ZNF736: variants seen among roughly 807,000 people sequenced by gnomAD.
The protein encoded by ZNF736 is zinc finger protein 736, also known as KRAB-containing zinc-finger repressor protein.
ZNF736 carries 6 observed loss-of-function variants against 11.7 expected under a neutral mutation model. The ratio of observed to expected loss-of-function variants is 0.51; its 90% CI spans 0.28 to 1.01. The LOEUF is 1.01. Ranked by LOEUF, ZNF736 falls within the 50% of genes least tolerant of loss-of-function variation. The pLI is 0.09. For synonymous variants in ZNF736, 139 were observed against 164.7 expected, an observed-to-expected ratio of 0.84 and a Z score of 1.19; for missense variants, 444 against 496.0, an observed-to-expected ratio of 0.90 and a Z score of 1.00.
In ZNF736 at chr7:64,354,856, G is replaced by T. The variant is rs144684937; in HGVS notation, c.*5709G>T. The T allele has an allele frequency of 1.7e-3, 262 of 152,246 alleles. 1 individual carries two copies. Among genetic ancestry groups the T allele is most frequent in the African/African-American group, 5.7e-3 (235 of 41,546 alleles). The allele number at this position is 152,246 out of a possible 1,614,324, so 9.4% of individuals were successfully genotyped here. On this transcript the variant is annotated 3_prime_UTR_variant, in exon 4 of 4. Coordinates refer to ENST00000423484, the MANE Select transcript of ZNF736 (RefSeq NM_001170905.3). ...TATTAAATTTATTGGGCCAATTTAA[G>T]TAAACAGTTGAACGTTTCATAAGTC...
intron 1 of ZNF736, among the ~76,000 whole-genome samples, chr7:64,318,417 T>C (rs1788946480): frequency 6.6e-6 from 1 of 151,974 alleles, no homozygotes. Flanking sequence ...TTATAAACTT[T>C]TGTCCCATTT....
Position 64,351,035 on chromosome 7 carries a change from G to C in ZNF736, c.*1888G>C, listed in dbSNP as rs1029075050. ...GGAGCAAAGCAGCTGGGAAGGGAGT[G>C]GGGGATACCTGCTGGAGGCTGTGTG... On this transcript the variant is annotated 3_prime_UTR_variant, in exon 4 of 4. Coordinates refer to ENST00000423484, the MANE Select transcript of ZNF736 (RefSeq NM_001170905.3). The C allele has an allele frequency of 6.5e-6, 1 of 152,814 alleles. No homozygotes were observed. The highest frequency in any genetic ancestry group is 1.5e-5 in the Non-Finnish European group (1 of 68,582). 9.5% of individuals were successfully genotyped at this position (152,814 alleles called of 1,614,324 possible).
At chr7:64,340,894 G>C (rs1286939327) in intron 3 of ZNF736, among the ~76,000 whole-genome samples, 2 of 152,010 alleles carry the variant, frequency 1.3e-5, no homozygotes, top group Non-Finnish European at 2.9e-5. Flanking sequence ...AGTTCTTAGT[G>C]AGTCCCTTTT....
intron 3 of ZNF736, among the ~76,000 whole-genome samples, chr7:64,344,266 C>T (rs928910937): frequency 2.0e-5 from 3 of 152,176 alleles, no homozygotes; most frequent in African/African-American, 7.2e-5. Context: ...GGCACCACTG[C>T]ACTCCAGCCT....
chr7:64,328,430 TC>T (rs199767651), intron 1 of ZNF736, among the ~76,000 whole-genome samples: 8,458 of 152,230 alleles, frequency 0.056, 375 homozygotes, highest in Admixed American at 0.14. Context: ...GCTTTTAGAA[TC>T]CTTTATCTTT....
At chr7:64,337,528 A>G (rs1789271427) in intron 3 of ZNF736, among the ~76,000 whole-genome samples, 1 of 152,166 alleles carries the variant, frequency 6.6e-6, no homozygotes, top group African/African-American at 2.4e-5. Context: ...CAGTAATTAT[A>G]TCAAAACACT....
intron 1 of ZNF736, among the ~76,000 whole-genome samples, chr7:64,318,297 G>T (rs1486694328): frequency 6.6e-6 from 1 of 151,872 alleles, no homozygotes; most frequent in Non-Finnish European, 1.5e-5. Context: ...GATGTTTAAT[G>T]AATAGCCATC....
chr7:64,323,192 A>AT (rs1332761575), intron 1 of ZNF736, among the ~76,000 whole-genome samples: 1 of 152,104 alleles, frequency 6.6e-6, no homozygotes, highest in Non-Finnish European at 1.5e-5. Context: ...GTTCTTTTTT[A>AT]TTTGAAATCT....
At chr7:64,330,578 A>T (rs1789151054) in intron 1 of ZNF736, among the ~76,000 whole-genome samples, 1 of 152,046 alleles carries the variant, frequency 6.6e-6, no homozygotes, top group Non-Finnish European at 1.5e-5. Context: ...CTGAGCTGCT[A>T]ATCAAGCTTC....
chr7:64,332,535 G>A (rs752422338), intron 1 of ZNF736, among the ~76,000 whole-genome samples: 7 of 152,160 alleles, frequency 4.6e-5, no homozygotes, highest in African/African-American at 1.2e-4. Context: ...AGCTGTGCAC[G>A]TATTGTCTTG....
Position 64,354,374 on chromosome 7 carries a change from C to A in ZNF736, c.*5227C>A. The A allele has an allele frequency of 6.6e-6, 1 of 151,968 alleles. No homozygotes were observed. The highest frequency in any genetic ancestry group is 1.9e-4 in the East Asian group (1 of 5,198). The allele number at this position is 151,968 out of a possible 1,614,324, so 9.4% of individuals were successfully genotyped here. A position where few individuals can be genotyped will look rare whatever the true frequency, so the allele number is the denominator to read the frequency against. ...AATCATATTTGTTTATGGTTGTGTA[C>A]CTACTTTGAGAAGAAAAGAAAAATA... On this transcript the variant is annotated 3_prime_UTR_variant, in exon 4 of 4. Transcript: ENST00000423484.
rs1167898253 is a variant in ZNF736, at chr7:64,336,467, C to A, written c.130+82C>A. 8 of 1,395,016 alleles carry A rather than the reference C, an allele frequency of 5.7e-6. No individual in the cohort carries two copies. In the Admixed American group the frequency reaches 1.1e-4, roughly 20 times the overall value. The allele number at this position is 1,395,016 out of a possible 1,614,324, so 86.4% of individuals were successfully genotyped here. A position where few individuals can be genotyped will look rare whatever the true frequency, so the allele number is the denominator to read the frequency against. On this transcript the variant is annotated intron_variant, in intron 2 of 3. Coordinates refer to ENST00000423484, the MANE Select transcript of ZNF736 (RefSeq NM_001170905.3). The stretch of plus-strand genomic sequence containing the variant: ...TGATTTTTTTGGAGGTTCTGCTTTG[C>A]ATAAATGAGTTTCAGAATCCTGCTT...
At chr7:64,336,773 A>C in intron 2 of ZNF736, 114 bp from the exon 3 acceptor site, 2 of 870,496 alleles carry the variant, frequency 2.3e-6, no homozygotes, top group South Asian at 3.2e-5. Context: ...ACAGTATATT[A>C]AAATTAATTT....
intron 3 of ZNF736, among the ~76,000 whole-genome samples, chr7:64,338,623 C>G (rs1021484080): frequency 6.6e-6 from 1 of 152,006 alleles, no homozygotes; most frequent in East Asian, 1.9e-4. Context: ...ATGTTTCACT[C>G]GGCATAACAT....
At chr7:64,329,774 A>G (rs1446659856) in intron 1 of ZNF736, among the ~76,000 whole-genome samples, 1 of 152,172 alleles carries the variant, frequency 6.6e-6, no homozygotes, top group African/African-American at 2.4e-5. Context: ...GCTACTACTG[A>G]TGTTCACTCA....
intron 3 of ZNF736, among the ~76,000 whole-genome samples, chr7:64,340,246 A>T (rs1789318679): frequency 2.6e-5 from 4 of 152,188 alleles, no homozygotes; most frequent in Admixed American, 2.6e-4. Flanking sequence ...TCAGTGCTGA[A>T]ACTGAGTCAC....
chr7:64,343,019 ATTAT>A lies in ZNF736; in HGVS notation c.227-5067_227-5064del, dbSNP rs1227453622. On this transcript the variant is annotated intron_variant, in intron 3 of 3. Coordinates refer to ENST00000423484, the MANE Select transcript of ZNF736 (RefSeq NM_001170905.3). Reference sequence around the variant, plus strand: ...TAATGACATAATAAGTATGTCTAGTATTATTTAAGTGCCTATTCATATTTTCTCA... The same window carrying A: ...TAATGACATAATAAGTATGTCTAGTATTAAGTGCCTATTCATATTTTCTCA... 3.9e-5 allele frequency among the ~76,000 whole-genome samples: 6 copies of A among 152,168 alleles called. No homozygotes were observed. In the East Asian group the frequency reaches 7.7e-4, roughly 20 times the overall value.
Position 64,348,918 on chromosome 7 carries a change from G to A in ZNF736, c.1055G>A (p.Arg352His), listed in dbSNP as rs756226764. ...ICEECGKAFT[R>H]SSTLFNHKRI... ...GAAGAATGTGGCAAAGCCTTTACCC[G>A]CTCCTCAACCCTTTTTAACCACAAG... The change falls in exon 4 of 4, where the codon CGC (arginine) becomes CAC (histidine). Residue 352 changes from arginine (R) to histidine (H), a missense_variant. By Grantham distance (29) the Arg-to-His change is conservative. Transcript: ENST00000423484. 8.7e-6 allele frequency: 14 copies of A among 1,604,824 alleles called. No individual in the cohort carries two copies. Among genetic ancestry groups the A allele is most frequent in the Non-Finnish European group, 1.1e-5 (13 of 1,175,474 alleles).
intron 3 of ZNF736, among the ~76,000 whole-genome samples, chr7:64,345,510 C>G (rs1318122526): frequency 6.6e-6 from 1 of 151,432 alleles, no homozygotes; most frequent in Admixed American, 6.6e-5. Flanking sequence ...GTGGGCACAT[C>G]ATAAGGTAAG....
Sources: allele counts gnomAD v4.1 joint callset (sites outside exome capture counted in the v4.1 genomes callset), GRCh38; gene constraint gnomAD v4.1.1; transcripts MANE v1.5; gene names NCBI Gene and HGNC (gene_info 2026-07-23, HGNC 2026-07-21).